The following NUB1 variants were observed in gnomAD, a reference collection of about 807,000 sequenced individuals.
NUB1 encodes NEDD8 ultimate buster 1.
Under a neutral mutation model 77.1 loss-of-function variants are expected in NUB1, and 41 were observed. The ratio of observed to expected loss-of-function variants is 0.53; its 90% confidence interval spans 0.41 to 0.69. NUB1 has a LOEUF of 0.69. Among genes scored for constraint, NUB1 ranks in the 30% least tolerant of loss-of-function variants. The pLI, the probability that NUB1 is intolerant of heterozygous loss-of-function variation, is 0.00. For synonymous variants in NUB1, 257 were observed against 281.0 expected (o/e 0.91, Z 0.85); for missense variants, 643 against 743.8 (o/e 0.86, Z 1.58).
intron 11 of NUB1, 107 bp from the exon 12 acceptor site, chr7:151,373,990 G>A (rs1798083972): frequency 3.0e-6 from 4 of 1,313,990 alleles, no homozygotes; most frequent in South Asian, 1.6e-5. Context: ...CTTTGCTTTG[G>A]TTTTTTGGCT....
At chr7:151,352,964 C>A in intron 5 of NUB1, 82 bp downstream of exon 5, 2 of 733,720 alleles carry the variant, frequency 2.7e-6, no homozygotes, top group East Asian at 2.9e-5. Context: ...AATGTCTTTT[C>A]AAAAATTTGT....
chr7:151,354,413 G>GA (rs1796963404), intron 5 of NUB1, among the ~76,000 whole-genome samples: 2 of 149,714 alleles, frequency 1.3e-5, no homozygotes, highest in South Asian at 4.2e-4. Flanking sequence ...TTTCTCAAAA[G>GA]AAAAAAATCC....
intron 13 of NUB1, 28 bp downstream of exon 13, chr7:151,375,971 C>T (rs767101044): frequency 6.8e-7 from 1 of 1,460,198 alleles, no homozygotes; most frequent in South Asian, 1.1e-5. Context: ...GTGCCCTCAG[C>T]TTGGACAGCC....
intron 8 of NUB1, among the ~76,000 whole-genome samples, chr7:151,362,707 A>C (rs10245837): frequency 0.14 from 21,705 of 152,212 alleles, 2,330 homozygotes; most frequent in African/African-American, 0.31. Context: ...CAAGGAGGTG[A>C]GAGGAGCAAG....
At chr7:151,351,241 G>C in intron 3 of NUB1, 183 bp from the exon 4 acceptor site, 1 of 582,846 alleles carries the variant, frequency 1.7e-6, no homozygotes, top group South Asian at 2.0e-5. Flanking sequence ...CCTTGAGGAC[G>C]TGCAGGTCAC....
intron 3 of NUB1, among the ~76,000 whole-genome samples, chr7:151,350,762 G>C (rs909806611): frequency 6.6e-6 from 1 of 152,128 alleles, no homozygotes; most frequent in Non-Finnish European, 1.5e-5. Flanking sequence ...TGGGTGGCTT[G>C]CCGCCCACAT....
In NUB1 at chr7:151,374,057, A is replaced by G. The variant is rs1459042506; in HGVS notation, c.1249-40A>G. ...GCAGACTGAGAGGCTGTGAAATCTC[A>G]GTCCCTAACTTGGGATGGGACTTTG... On this transcript the variant is annotated intron_variant, in intron 11 of 14. Transcript: ENST00000568733. 2.0e-6 allele frequency: 3 copies of G among 1,526,084 alleles called. No individual in the cohort carries two copies. The African/African-American group carries it at 4.2e-5, about 21-fold the overall frequency. 94.5% of individuals were successfully genotyped at this position (1,526,084 alleles called of 1,614,324 possible).
intron 2 of NUB1, among the ~76,000 whole-genome samples, chr7:151,347,069 C>A (rs1224035603): frequency 6.6e-6 from 1 of 152,004 alleles, no homozygotes; most frequent in African/African-American, 2.4e-5. Context: ...AAGAAATCCT[C>A]ACTAGTTAGG....
At chr7:151,376,390 C>G in intron 13 of NUB1, 1 of 526,704 alleles carries the variant, frequency 1.9e-6, no homozygotes, top group Non-Finnish European at 3.4e-6. Flanking sequence ...GCCCTGCTCT[C>G]AGCCCGAGGT....
intron 13 of NUB1, 72 bp from the exon 14 acceptor site, chr7:151,376,562 A>T: frequency 7.1e-7 from 1 of 1,411,056 alleles, no homozygotes; most frequent in Non-Finnish European, 9.6e-7. Context: ...TCGGCTGTCC[A>T]CTCGTATGGC....
At chr7:151,374,915 G>A (rs1007523219) in intron 12 of NUB1, among the ~76,000 whole-genome samples, 6 of 152,178 alleles carry the variant, frequency 3.9e-5, no homozygotes, top group African/African-American at 1.4e-4. Flanking sequence ...CAGGAGGCAG[G>A]GGGCTGGCTG....
At position 151,341,860 on chromosome 7, in the gene NUB1, G is replaced by A. The variant is rs1330464174; in HGVS notation, c.-3+14G>A. On this transcript the variant is annotated intron_variant, in intron 1 of 14. Transcript: ENST00000568733. ...GGCGTGGCGCAGGTGAGGACACGGC[G>A]GCCGAGTGTCCTCGACCCCAGCCTC... is the stretch of plus-strand genomic sequence containing the variant. 2.0e-6 allele frequency: 3 copies of A among 1,496,928 alleles called. No homozygotes were observed. The highest frequency in any genetic ancestry group is 2.6e-6 in the Non-Finnish European group (3 of 1,132,556). The allele number at this position is 1,496,928 out of a possible 1,614,324, so 92.7% of individuals were successfully genotyped here.
chr7:151,353,950 T>TG (rs1796941109), intron 5 of NUB1, among the ~76,000 whole-genome samples: 1 of 152,240 alleles, frequency 6.6e-6, no homozygotes, highest in Non-Finnish European at 1.5e-5. Context: ...ATTCTGTTTG[T>TG]GGCATCCTTC....
chr7:151,343,249 A>C (rs1796300195), intron 1 of NUB1, among the ~76,000 whole-genome samples: 1 of 152,234 alleles, frequency 6.6e-6, no homozygotes, highest in Non-Finnish European at 1.5e-5. Flanking sequence ...CAGGTTGCAC[A>C]CAGCAGCCTC....
At chr7:151,348,101 G>T (rs1470424667) in intron 2 of NUB1, among the ~76,000 whole-genome samples, 1 of 152,152 alleles carries the variant, frequency 6.6e-6, no homozygotes, top group Non-Finnish European at 1.5e-5. Context: ...CATTTCCTTT[G>T]AGCATCTCCA....
chr7:151,342,107 T>G (rs1796239409), intron 1 of NUB1: 1 of 455,748 alleles, frequency 2.2e-6, no homozygotes, highest in Admixed American at 4.6e-5. Context: ...AAAGAAAATA[T>G]TGAGTGTATC....
At chr7:151,358,556 G>A (rs1012889243) in intron 7 of NUB1, among the ~76,000 whole-genome samples, 1 of 152,174 alleles carries the variant, frequency 6.6e-6, no homozygotes, top group African/African-American at 2.4e-5. Context: ...TCTAGGCTGT[G>A]CACTCCTGAT....
intron 7 of NUB1, among the ~76,000 whole-genome samples, chr7:151,358,714 C>T (rs1281012625): frequency 1.3e-5 from 2 of 152,144 alleles, no homozygotes; most frequent in East Asian, 1.9e-4. Flanking sequence ...CTGAATTATG[C>T]GAACATTTAA....
intron 5 of NUB1, among the ~76,000 whole-genome samples, chr7:151,355,077 C>G (rs1188035363): frequency 6.6e-6 from 1 of 152,236 alleles, no homozygotes; most frequent in Non-Finnish European, 1.5e-5. Flanking sequence ...GACTGCAGTA[C>G]AGCTTCTTGT....
Sources: allele counts gnomAD v4.1 joint callset (sites outside exome capture counted in the v4.1 genomes callset), GRCh38; gene constraint gnomAD v4.1.1; transcripts MANE v1.5; gene names NCBI Gene and HGNC (gene_info 2026-07-23, HGNC 2026-07-21).